Variants in SUGCT observed in about 807,000 individuals in gnomAD.
SUGCT encodes succinyl-CoA:glutarate-CoA transferase, also known as succinyl-CoA:glutarate CoA-transferase.
SUGCT carries 41 observed loss-of-function variants against 55.0 expected under a neutral mutation model. The observed-to-expected ratio is 0.74, with a 90% confidence interval of 0.58 to 0.97. The LOEUF is 0.97. SUGCT is among the 50% of genes least tolerant of loss of function. The pLI is 0.00. For synonymous variants in SUGCT, 187 were observed against 200.4 expected, an observed-to-expected ratio of 0.93 and a Z score of 0.56; for missense variants, 568 against 547.8, an observed-to-expected ratio of 1.04 and a Z score of -0.37.
intron 12 of SUGCT, among the ~76,000 whole-genome samples, chr7:40,498,763 A>T (rs1010405222): frequency 2.0e-5 from 3 of 152,158 alleles, no homozygotes; most frequent in African/African-American, 7.2e-5. Context: ...TGTGGTTATG[A>T]TGGTGCCCTT....
At chr7:40,367,593 A>T (rs565084588) in intron 9 of SUGCT, among the ~76,000 whole-genome samples, 6 of 152,168 alleles carry the variant, frequency 3.9e-5, no homozygotes, top group Non-Finnish European at 8.8e-5. Flanking sequence ...GTAAAAGGAA[A>T]ACCAGCACCA....
chr7:40,280,159 A>C (rs1312654709), intron 8 of SUGCT, among the ~76,000 whole-genome samples: 1 of 152,228 alleles, frequency 6.6e-6, no homozygotes, highest in Non-Finnish European at 1.5e-5. Context: ...AAACCATTTC[A>C]AGTAGTTCCT....
the SUGCT span, among the ~76,000 whole-genome samples, chr7:40,899,004 C>G: frequency 6.6e-6 from 1 of 152,146 alleles, no homozygotes. Flanking sequence ...TCTACAGCCA[C>G]GTCCGGCTCT....
intron 9 of SUGCT, among the ~76,000 whole-genome samples, chr7:40,423,727 C>T (rs893591167): frequency 6.6e-6 from 1 of 152,060 alleles, no homozygotes; most frequent in Admixed American, 6.6e-5. Context: ...TGTATGTTTT[C>T]ACAGGATACT....
intron 1 of SUGCT, among the ~76,000 whole-genome samples, chr7:40,161,509 A>G (rs1022437425): frequency 6.6e-6 from 1 of 152,310 alleles, no homozygotes; most frequent in African/African-American, 2.4e-5. Context: ...TGTTTGATCA[A>G]CCAACCTAGA....
At chr7:40,991,703 G>T in the SUGCT span, among the ~76,000 whole-genome samples, 3 of 152,128 alleles carry the variant, frequency 2.0e-5, no homozygotes, top group African/African-American at 2.4e-5. Flanking sequence ...GCAGCTCCAG[G>T]AATGCCCCCA....
At chr7:40,404,711 A>G (rs1017274747) in intron 9 of SUGCT, among the ~76,000 whole-genome samples, 1 of 152,202 alleles carries the variant, frequency 6.6e-6, no homozygotes, top group African/African-American at 2.4e-5. Context: ...TGCTGGGTTT[A>G]CAGGCATGAG....
intron 12 of SUGCT, among the ~76,000 whole-genome samples, chr7:40,585,602 G>A (rs2151720903): frequency 6.6e-6 from 1 of 152,212 alleles, no homozygotes; most frequent in East Asian, 1.9e-4. Context: ...TGAACTCTTA[G>A]GCTCAACCCA....
intron 1 of SUGCT, among the ~76,000 whole-genome samples, chr7:40,140,559 C>G (rs1425197204): frequency 2.0e-5 from 3 of 152,112 alleles, no homozygotes; most frequent in African/African-American, 7.2e-5. Flanking sequence ...CGCCACCACA[C>G]CTGGCTAATT....
chr7:40,487,326 C>T (rs1030184412), intron 11 of SUGCT, among the ~76,000 whole-genome samples: 2 of 133,590 alleles, frequency 1.5e-5, no homozygotes, highest in African/African-American at 2.8e-5. Flanking sequence ...AGGCTGGTCT[C>T]GAACTCCTGA....
intron 9 of SUGCT, among the ~76,000 whole-genome samples, chr7:40,413,815 T>A (rs4723962): frequency 0.69 from 104,559 of 152,032 alleles, 36,371 homozygotes; most frequent in East Asian, 0.99. Context: ...AAAAAAACTT[T>A]CAATCTCATT....
intron 12 of SUGCT, among the ~76,000 whole-genome samples, chr7:40,587,911 T>A (rs1797480791): frequency 6.6e-6 from 1 of 151,036 alleles, no homozygotes; most frequent in Non-Finnish European, 1.5e-5. Context: ...CTGTTTTTTT[T>A]TTTTTTTTCC....
At chr7:40,308,746 C>G (rs1024554260) in intron 8 of SUGCT, among the ~76,000 whole-genome samples, 6 of 152,284 alleles carry the variant, frequency 3.9e-5, no homozygotes, top group African/African-American at 1.4e-4. Context: ...CACAGTGACT[C>G]ATGCCTGTAA....
chr7:40,579,656 CCAGAGGG>C (rs1246917546), intron 12 of SUGCT, among the ~76,000 whole-genome samples: 2 of 152,104 alleles, frequency 1.3e-5, no homozygotes, highest in Non-Finnish European at 2.9e-5. Context: ...TGTCTAGATT[CCAGAGGG>C]CTTTAGTCAG....
chr7:40,419,192 T>A lies in SUGCT; in HGVS notation c.817-30095T>A, dbSNP rs551535376. Among the ~76,000 whole-genome samples, 13 of 152,320 alleles carry A rather than the reference T, an allele frequency of 8.5e-5. No individual in the cohort carries two copies. The East Asian group carries it at 2.3e-3, about 27-fold the overall frequency. ...TTCATGTTTACATATTGTAAATGGA[T>A]CTTGTAAATGGGTAGTTCTTCATGG... On this transcript the variant is annotated intron_variant, in intron 9 of 13. Transcript: ENST00000335693.
At chr7:40,164,837 C>T (rs117004962) in intron 1 of SUGCT, among the ~76,000 whole-genome samples, 3,237 of 152,250 alleles carry the variant, frequency 0.021, 62 homozygotes, top group Non-Finnish European at 0.032. Flanking sequence ...TCCTTTTCCA[C>T]GAACCTCATT....
intron 12 of SUGCT, among the ~76,000 whole-genome samples, chr7:40,721,224 A>T (rs376023327): frequency 0.021 from 3,149 of 152,018 alleles, 105 homozygotes; most frequent in African/African-American, 0.073. Context: ...TCTTTTTTTT[A>T]AAGGAGGGGA....
chr7:40,410,038 A>G (rs1562756288), intron 9 of SUGCT, among the ~76,000 whole-genome samples: 1 of 152,058 alleles, frequency 6.6e-6, no homozygotes, highest in Non-Finnish European at 1.5e-5. Context: ...AGTGGGTAGA[A>G]TCTTTGCCCC....
chr7:40,201,382 A>T (rs1786596704), intron 6 of SUGCT, among the ~76,000 whole-genome samples: 1 of 152,224 alleles, frequency 6.6e-6, no homozygotes, highest in Non-Finnish European at 1.5e-5. Flanking sequence ...TAAATAATCA[A>T]TATGGAGATG....
Sources: gnomAD v4.1 joint callset for allele counts (sites outside exome capture counted in the v4.1 genomes callset) on GRCh38, gnomAD v4.1.1 for gene constraint, MANE v1.5 for transcripts, NCBI Gene and HGNC (gene_info 2026-07-23, HGNC 2026-07-21) for gene names.